The following RCN2 variants were observed in gnomAD, a reference collection of about 807,000 sequenced individuals.
RCN2 encodes the protein reticulocalbin 2.
A neutral mutation model predicts 37.5 loss-of-function variants in RCN2; 23 were observed. The observed-to-expected ratio is 0.61, with a 90% CI of 0.44 to 0.87. RCN2 has a LOEUF of 0.87. Among genes scored for constraint, RCN2 ranks in the 40% least tolerant of loss-of-function variants. The probability of loss-of-function intolerance (pLI) is 0.00; values close to 1 mark genes in which losing one functional copy is unlikely to be tolerated. For missense variants in RCN2, 381 were observed against 390.4 expected, an observed-to-expected ratio of 0.98 and a Z score of 0.20; for synonymous variants, 140 against 144.6, an observed-to-expected ratio of 0.97 and a Z score of 0.23.
At position 76,932,346 on chromosome 15, in the gene RCN2, C is replaced by G. The variant is rs561714874; in HGVS notation, c.145-15C>G. On this transcript the variant is annotated splice_polypyrimidine_tract_variant and intron_variant, in intron 1 of 6. Coordinates refer to ENST00000394885, the MANE Select transcript of RCN2 (RefSeq NM_002902.3). ...AGTAATGCTTGGCCCTCCTGTGTGT[C>G]GCTTCCCCCTAAAGGAAGATGTGGA... The G allele has an allele frequency of 6.3e-7, 1 of 1,596,504 alleles. No individual in the cohort carries two copies. The highest frequency in any genetic ancestry group is 1.3e-5 in the African/African-American group (1 of 74,512).
chr15:76,940,613 A>G (rs1050887024), intron 3 of RCN2, among the ~76,000 whole-genome samples: 2 of 148,802 alleles, frequency 1.3e-5, no homozygotes, highest in African/African-American at 5.0e-5. Flanking sequence ...CAGTGGTGCA[A>G]TCTCGGCTCA....
At chr15:76,947,642 G>T in intron 5 of RCN2, 125 bp downstream of exon 5, 2 of 660,982 alleles carry the variant, frequency 3.0e-6, no homozygotes, top group Non-Finnish European at 2.6e-6. Context: ...GATCCTACTT[G>T]TTTCGTTAAC....
chr15:76,932,602 C>A, intron 2 of RCN2, 136 bp downstream of exon 2: 1 of 643,702 alleles, frequency 1.6e-6, no homozygotes. Flanking sequence ...GGAGAATAGG[C>A]TTTATACTTA....
intron 3 of RCN2, among the ~76,000 whole-genome samples, 183 bp downstream of exon 3, chr15:76,935,905 T>A (rs1470514004): frequency 2.0e-5 from 3 of 152,240 alleles, no homozygotes; most frequent in African/African-American, 7.2e-5. Context: ...GGACTCTTAT[T>A]CTAAATTACC....
rs926392748 is a variant in RCN2 at position 76,951,856 on chromosome 15, G to A, written c.*2634G>A. ...ACAACTTCAAAGGGGAAAATTGAAT[G>A]GGATGTGCACATGTTGGCTCATATG... On this transcript the variant is annotated 3_prime_UTR_variant, in exon 7 of 7. Transcript: ENST00000394885. The A allele has an allele frequency of 6.6e-6, 1 of 152,102 alleles. No individual in the cohort carries two copies. 9.4% of individuals were successfully genotyped at this position (152,102 alleles called of 1,614,324 possible). A position where few individuals can be genotyped will look rare whatever the true frequency, so the allele number is the denominator to read the frequency against.
chr15:76,932,224 TAGGG>T lies in RCN2; in HGVS notation c.145-136_145-133del. On this transcript the variant is annotated intron_variant, in intron 1 of 6. Transcript: ENST00000394885. ...CAGATCATGGAGGGTGTGTAGGGGG[TAGGG>T]GCCTTGAAGTGCAGGTGCGGGTCAC... The T allele has an allele frequency of 4.0e-6, 3 of 754,962 alleles. No individual in the cohort carries two copies. In the East Asian group the frequency reaches 8.0e-5, roughly 20 times the overall value. The allele number at this position is 754,962 out of a possible 1,614,324, so 46.8% of individuals were successfully genotyped here. A position where few individuals can be genotyped will look rare whatever the true frequency, so the allele number is the denominator to read the frequency against.
intron 2 of RCN2, among the ~76,000 whole-genome samples, chr15:76,933,245 G>A (rs148258406): frequency 0.016 from 2,374 of 152,262 alleles, 38 homozygotes; most frequent in Non-Finnish European, 0.022. Flanking sequence ...AAAAATTCAG[G>A]TTGTTATTGT....
rs867029993 is a variant in RCN2, at chr15:76,952,777, T to C, written c.*3555T>C. 6.7e-6 allele frequency: 1 copy of C among 148,772 alleles called. No individual in the cohort carries two copies. The highest frequency in any genetic ancestry group is 2.5e-5 in the African/African-American group (1 of 40,222). 9.2% of individuals were successfully genotyped at this position (148,772 alleles called of 1,614,324 possible). The stretch of plus-strand genomic sequence containing the variant: ...GTGGGATTACAGGCGGGCACCACCA[T>C]GCCCCCTAATTTTTTGTATTTAGTA... On this transcript the variant is annotated 3_prime_UTR_variant, in exon 7 of 7. Transcript: ENST00000394885.
chr15:76,948,683 A>G (rs1479266532), intron 6 of RCN2, 131 bp downstream of exon 6: 17 of 833,668 alleles, frequency 2.0e-5, no homozygotes, highest in African/African-American at 1.2e-4. Flanking sequence ...ATGCATTACT[A>G]TGTTTTGAAT....
At chr15:76,948,652 T>A in intron 6 of RCN2, 100 bp downstream of exon 6, 1 of 1,210,358 alleles carries the variant, frequency 8.3e-7, no homozygotes, top group Non-Finnish European at 1.1e-6. Context: ...AAGAAAGAAG[T>A]AATGGAGTTA....
intron 3 of RCN2, among the ~76,000 whole-genome samples, chr15:76,936,943 C>A (rs2152649886): frequency 6.6e-6 from 1 of 152,246 alleles, no homozygotes; most frequent in Admixed American, 6.5e-5. Context: ...CTCCCCATTC[C>A]CTCCTCCCAC....
chr15:76,938,641 T>C (rs1365898665), intron 3 of RCN2: 1 of 430,880 alleles, frequency 2.3e-6, no homozygotes, highest in African/African-American at 2.0e-5. Context: ...CTAAGTGTGC[T>C]ATTTATTTAG....
rs2075331410 is a variant in RCN2 at position 76,953,566 on chromosome 15, TATATATATATATATATATATATATATA to T, written c.*4345_*4371del. The stretch of plus-strand genomic sequence containing the variant: ...ATCATATAGTAATTCTATATATATA[TATATATATATATATATATATATATATA>T]TTTTTTTTTTTTTTTTTTTTTTTTT... On this transcript the variant is annotated 3_prime_UTR_variant, in exon 7 of 7. Coordinates refer to ENST00000394885, the MANE Select transcript of RCN2 (RefSeq NM_002902.3). 1.6e-3 allele frequency: 24 copies of T among 15,382 alleles called. No individual in the cohort carries two copies. Among genetic ancestry groups the T allele is most frequent in the African/African-American group, 6.5e-3 (22 of 3,382 alleles). 1.0% of individuals were successfully genotyped at this position (15,382 alleles called of 1,614,324 possible).
At chr15:76,932,256 C>T (rs2075227059) in intron 1 of RCN2, 105 bp from the exon 2 acceptor site, 1 of 923,632 alleles carries the variant, frequency 1.1e-6, no homozygotes, top group South Asian at 1.5e-5. Context: ...CGGGTCACCC[C>T]GAAACCCTTT....
chr15:76,941,867 C>G, intron 3 of RCN2: 1 of 423,774 alleles, frequency 2.4e-6, no homozygotes, highest in Non-Finnish European at 4.2e-6. Context: ...CCTTTTTGCT[C>G]CAAAGTGAAG....
intron 3 of RCN2, chr15:76,941,868 C>T: frequency 2.4e-6 from 1 of 422,146 alleles, no homozygotes; most frequent in South Asian, 7.0e-5. Context: ...CTTTTTGCTC[C>T]AAAGTGAAGG....
chr15:76,953,659 G>C lies in RCN2; in HGVS notation c.*4437G>C, dbSNP rs1161476196. On this transcript the variant is annotated 3_prime_UTR_variant, in exon 7 of 7. Transcript: ENST00000394885. Reference sequence around the variant, plus strand: ...GTCTCGCTCTGTCGCCCAGGCTGGAGTGCAGTGGCGCGATCTCGGCTCACT... The same window carrying C: ...GTCTCGCTCTGTCGCCCAGGCTGGACTGCAGTGGCGCGATCTCGGCTCACT... The C allele has an allele frequency of 7.9e-6, 1 of 127,116 alleles. No homozygotes were observed. Among genetic ancestry groups the C allele is most frequent in the Non-Finnish European group, 1.6e-5 (1 of 63,540 alleles). 7.9% of individuals were successfully genotyped at this position (127,116 alleles called of 1,614,324 possible). A position where few individuals can be genotyped will look rare whatever the true frequency, so the allele number is the denominator to read the frequency against.
chr15:76,941,025 CTTTGTTTTTGTTTTTGTT>C (rs367549176), intron 3 of RCN2, among the ~76,000 whole-genome samples: 1 of 151,730 alleles, frequency 6.6e-6, no homozygotes, highest in Admixed American at 6.6e-5. Context: ...TTCAAGTGTT[CTTTGTTTTTGTTTTTGTT>C]TTTGTTTTGA....
At chr15:76,932,191 C>T (rs2075226490) in intron 1 of RCN2, among the ~76,000 whole-genome samples, 170 bp from the exon 2 acceptor site, 1 of 152,156 alleles carries the variant, frequency 6.6e-6, no homozygotes, top group African/African-American at 2.4e-5. Context: ...TGGATCCCTT[C>T]TACCCCTCAG....
Sources: allele counts gnomAD v4.1 joint callset (sites outside exome capture counted in the v4.1 genomes callset), GRCh38; gene constraint gnomAD v4.1.1; transcripts MANE v1.5; gene names NCBI Gene and HGNC (gene_info 2026-07-23, HGNC 2026-07-21).